The following CFAP97 variants were observed in gnomAD, a reference collection of about 807,000 sequenced individuals.
CFAP97 encodes cilia- and flagella-associated protein 97.
A neutral mutation model predicts 43.1 loss-of-function variants in CFAP97; 36 were observed. The observed-to-expected ratio is 0.84, with a 90% CI of 0.64 to 1.10. CFAP97 has a LOEUF of 1.10. CFAP97 is among the 50% of genes least tolerant of loss of function. The pLI, the probability that CFAP97 is intolerant of heterozygous loss-of-function variation, is 0.00. For missense variants in CFAP97, 657 were observed against 620.3 expected, an observed-to-expected ratio of 1.06 and a Z score of -0.63; for synonymous variants, 228 against 225.7, an observed-to-expected ratio of 1.01 and a Z score of -0.09.
chr4:185,199,764 C>A (rs981344198), intron 1 of CFAP97, among the ~76,000 whole-genome samples: 2 of 152,190 alleles, frequency 1.3e-5, no homozygotes, highest in Admixed American at 1.3e-4. Flanking sequence ...GCCCAAATGA[C>A]AGCACACCTA....
At position 185,175,359 on chromosome 4, in the gene CFAP97, C is replaced by T. The variant is rs556556542; in HGVS notation, c.1320+427G>A. The stretch of plus-strand genomic sequence containing the variant: ...TCGGCTCCCTGTAACCTCCGCCTCC[C>T]GGGTTCAGATGCTCCTCCCACCTCA... On this transcript the variant is annotated intron_variant, in intron 3 of 4. Transcript: ENST00000458385. Among the ~76,000 whole-genome samples, 20 of 152,056 alleles carry T rather than the reference C, an allele frequency of 1.3e-4. 1 individual carries two copies. The highest frequency in any genetic ancestry group is 4.1e-4 in the African/African-American group (17 of 41,472).
chr4:185,181,607 G>A lies in CFAP97; in HGVS notation c.1055-5556C>T, dbSNP rs142689241. Among the ~76,000 whole-genome samples, 341 of 152,310 alleles carry A rather than the reference G, an allele frequency of 2.2e-3. 1 individual carries two copies. The highest frequency in any genetic ancestry group is 8.3e-3 in the South Asian group (40 of 4,826). ...CCCAAAGTGCTGGGATTATAGGCAT[G>A]AGCCACCACACCCAGCCGGCATAGT... On this transcript the variant is annotated intron_variant, in intron 2 of 4. Transcript: ENST00000458385.
intron 2 of CFAP97, among the ~76,000 whole-genome samples, chr4:185,189,111 A>G (rs1736124534): frequency 6.6e-6 from 1 of 152,044 alleles, no homozygotes; most frequent in Admixed American, 6.6e-5. Flanking sequence ...GTGGGGCATG[A>G]CTGTGGTCCT....
chr4:185,187,743 C>T (rs1736064086), intron 2 of CFAP97, among the ~76,000 whole-genome samples: 4 of 151,228 alleles, frequency 2.6e-5, no homozygotes, highest in Admixed American at 2.0e-4. Context: ...CCAATCTCAA[C>T]AGCATACTAG....
At chr4:185,168,736 T>C (rs1735168247) in intron 3 of CFAP97, among the ~76,000 whole-genome samples, 2 of 151,762 alleles carry the variant, frequency 1.3e-5, no homozygotes, top group Admixed American at 6.6e-5. Context: ...CTACTAAAAA[T>C]ACAAAAATTA....
intron 3 of CFAP97, 27 bp from the exon 4 acceptor site, chr4:185,164,206 G>C: frequency 6.2e-7 from 1 of 1,608,046 alleles, no homozygotes; most frequent in East Asian, 2.2e-5. Context: ...TAATTTGAAA[G>C]GCAAGGTTAA....
In CFAP97 at chr4:185,170,201, C is replaced by G. The variant is rs1213648072; in HGVS notation, c.1320+5585G>C. ...TCTCCACTAAAAATACAAAAATTAG[C>G]TGGGTGTGGTGGTGTAAGCCTGTAG... On this transcript the variant is annotated intron_variant, in intron 3 of 4. Coordinates refer to ENST00000458385, the MANE Select transcript of CFAP97 (RefSeq NM_020827.3). 3 of 574,098 alleles carry G rather than the reference C, an allele frequency of 5.2e-6. No individual in the cohort carries two copies. In the East Asian group the frequency reaches 9.9e-5, roughly 19 times the overall value. 35.6% of individuals were successfully genotyped at this position (574,098 alleles called of 1,614,324 possible).
At chr4:185,209,814 C>T, upstream of CFAP97, 1 of 983,806 alleles carries the variant, frequency 1.0e-6, no homozygotes, top group South Asian at 4.7e-5. This position sits in a 1 kb window ranked among gnomAD's most constrained non-coding sequence, Gnocchi z 5.2. Context: ...TCCTTAGCGG[C>T]CCAGGAAGCA....
At chr4:185,193,964 C>T (rs1365021061) in intron 1 of CFAP97, among the ~76,000 whole-genome samples, 18 of 152,138 alleles carry the variant, frequency 1.2e-4, no homozygotes, top group African/African-American at 3.9e-4. Context: ...ATAAATATTA[C>T]GATTCTGTTA....
rs146632234 is a variant in CFAP97, at chr4:185,183,470, G to A, written c.1054+6673C>T. 5.1e-3 allele frequency among the ~76,000 whole-genome samples: 776 copies of A among 152,324 alleles called. 6 individuals are homozygous for A. Among genetic ancestry groups the A allele is most frequent in the African/African-American group, 0.018 (749 of 41,568 alleles). On this transcript the variant is annotated intron_variant, in intron 2 of 4. Coordinates refer to ENST00000458385, the MANE Select transcript of CFAP97 (RefSeq NM_020827.3). ...AAAGCTTATTTAGTGTAAGTTAGAA[G>A]TGATAAAGTGTATTGAGAGATGAAT...
In CFAP97 at chr4:185,198,396, T is replaced by C. The variant is rs184975915; in HGVS notation, c.-17+5502A>G. 1.3e-3 allele frequency among the ~76,000 whole-genome samples: 196 copies of C among 150,180 alleles called. 1 individual carries two copies. Among genetic ancestry groups the C allele is most frequent in the African/African-American group, 4.6e-3 (186 of 40,792 alleles). On this transcript the variant is annotated intron_variant, in intron 1 of 4. Transcript: ENST00000458385. ...AGGCAGAAGCTGCAGTGAGCCAAGA[T>C]TGCATCACTACACTCCAGCCTGGGT...
At chr4:185,200,464 T>C (rs969076220) in intron 1 of CFAP97, among the ~76,000 whole-genome samples, 2 of 151,978 alleles carry the variant, frequency 1.3e-5, no homozygotes, top group African/African-American at 4.8e-5. Flanking sequence ...ACAGGGTGAA[T>C]CTCCGTCTCT....
chr4:185,187,162 G>A (rs967363962), intron 2 of CFAP97, among the ~76,000 whole-genome samples: 1 of 152,192 alleles, frequency 6.6e-6, no homozygotes, highest in Non-Finnish European at 1.5e-5. Flanking sequence ...TTATAATGCA[G>A]AAGGATGCAC....
rs1180409527 is a variant in CFAP97, at chr4:185,161,366, C to A, written c.*1432G>T. On this transcript the variant is annotated 3_prime_UTR_variant, in exon 5 of 5. Transcript: ENST00000458385. ...TTTTGTAAAATGCAGTAACACCTTA[C>A]TGTTAAAGGTGCTAAGGAAAAAAGC... 1 of 152,162 alleles carries A rather than the reference C, an allele frequency of 6.6e-6. No homozygotes were observed. The highest frequency in any genetic ancestry group is 1.5e-5 in the Non-Finnish European group (1 of 68,028). 9.4% of individuals were successfully genotyped at this position (152,162 alleles called of 1,614,324 possible). A position where few individuals can be genotyped will look rare whatever the true frequency, so the allele number is the denominator to read the frequency against.
upstream of CFAP97, among the ~76,000 whole-genome samples, chr4:185,206,611 A>AT (rs1289589524): frequency 7.3e-6 from 1 of 137,156 alleles, no homozygotes; most frequent in African/African-American, 2.7e-5. Context: ...GTGAGCCGAG[A>AT]TTGCGCCATT....
chr4:185,176,119 T>C lies in CFAP97; in HGVS notation c.1055-68A>G, dbSNP rs1054600187. The C allele has an allele frequency of 3.1e-5, 39 of 1,274,306 alleles. 1 individual carries two copies. In the Middle Eastern group the frequency reaches 7.2e-4, roughly 24 times the overall value. The allele number at this position is 1,274,306 out of a possible 1,614,324, so 78.9% of individuals were successfully genotyped here. A position where few individuals can be genotyped will look rare whatever the true frequency, so the allele number is the denominator to read the frequency against. Reference sequence around the variant, plus strand: ...AGTATGTGGTACATGCTTTTTTTTTTTTTCTCTTTTTAGACGGAGTTTCAC... The same window carrying C: ...AGTATGTGGTACATGCTTTTTTTTTCTTTCTCTTTTTAGACGGAGTTTCAC... On this transcript the variant is annotated intron_variant, in intron 2 of 4. Coordinates refer to ENST00000458385, the MANE Select transcript of CFAP97 (RefSeq NM_020827.3).
chr4:185,189,344 A>G (rs1444910537), intron 2 of CFAP97, among the ~76,000 whole-genome samples: 1 of 152,226 alleles, frequency 6.6e-6, no homozygotes, highest in African/African-American at 2.4e-5. Flanking sequence ...ATGCCCTTAC[A>G]TTGCTACCAT....
intron 2 of CFAP97, among the ~76,000 whole-genome samples, chr4:185,178,231 G>A (rs1463164857): frequency 4.2e-5 from 6 of 142,588 alleles, no homozygotes; most frequent in Non-Finnish European, 9.0e-5. Context: ...TTCCCCTAAC[G>A]GTTTTTGTCT....
intron 2 of CFAP97, 94 bp downstream of exon 2, chr4:185,190,049 A>G: frequency 1.1e-6 from 1 of 928,394 alleles, no homozygotes. Flanking sequence ...ACAATAAAAA[A>G]TATCTACTAG....
Sources: gnomAD v4.1 joint callset for allele counts (sites outside exome capture counted in the v4.1 genomes callset) on GRCh38, gnomAD v4.1.1 for gene constraint, Gnocchi (gnomAD v3.1) non-coding constraint, MANE v1.5 for transcripts, NCBI Gene and HGNC (gene_info 2026-07-23, HGNC 2026-07-21) for gene names.